ARMC2: variants seen among roughly 807,000 people sequenced by gnomAD.
ARMC2 encodes the protein armadillo repeat containing 2.
A neutral mutation model predicts 90.3 loss-of-function variants in ARMC2; 67 were observed. The observed-to-expected ratio is 0.74, with a 90% CI of 0.61 to 0.91. ARMC2 has a LOEUF of 0.91. ARMC2 is among the 40% of genes least tolerant of loss of function. The probability of loss-of-function intolerance (pLI) is 0.00; values close to 1 mark genes in which losing one functional copy is unlikely to be tolerated. For missense variants in ARMC2, 920 were observed against 1,030.9 expected (o/e 0.89, Z 1.47); for synonymous variants, 393 against 393.0 (o/e 1.00, Z 0.00).
At chr6:108,862,357 A>C (rs1462896768) in intron 3 of ARMC2, among the ~76,000 whole-genome samples, 78 of 141,640 alleles carry the variant, frequency 5.5e-4, no homozygotes, top group African/African-American at 2.0e-3. Context: ...AAAAAAAAAA[A>C]ACAAAAAAAA....
At chr6:109,041,110 G>A in the ARMC2 span, among the ~76,000 whole-genome samples, 3 of 151,100 alleles carry the variant, frequency 2.0e-5, no homozygotes, top group African/African-American at 7.3e-5. Context: ...AGATCAGCCT[G>A]GGCAACATAG....
the ARMC2 span, among the ~76,000 whole-genome samples, chr6:108,992,627 G>C: frequency 6.6e-6 from 1 of 152,128 alleles, no homozygotes; most frequent in Non-Finnish European, 1.5e-5. Flanking sequence ...ATGATTCCAT[G>C]GATGAATTAG....
chr6:109,001,498 T>A, the ARMC2 span: 29,008 of 1,610,716 alleles, frequency 0.018, 355 homozygotes, highest in Non-Finnish European at 0.02. Context: ...TCTGTATAAA[T>A]GAGAAAAACC....
chr6:108,977,598 G>T (rs745894210), downstream of ARMC2, among the ~76,000 whole-genome samples: 1 of 152,120 alleles, frequency 6.6e-6, no homozygotes, highest in Admixed American at 6.5e-5. Context: ...TGTACCTCTG[G>T]TAGAATTAGA....
chr6:108,871,307 G>C (rs929806701), intron 4 of ARMC2, among the ~76,000 whole-genome samples: 2 of 152,166 alleles, frequency 1.3e-5, no homozygotes, highest in Admixed American at 1.3e-4. Flanking sequence ...GAGACAATGT[G>C]ATGTAGGTTT....
chr6:108,912,080 G>T (rs1773494245), intron 9 of ARMC2, among the ~76,000 whole-genome samples: 1 of 152,120 alleles, frequency 6.6e-6, no homozygotes, highest in Admixed American at 6.5e-5. Context: ...GGCAAGGAAT[G>T]ACATTAATTA....
At chr6:109,049,690 G>C in the ARMC2 span, among the ~76,000 whole-genome samples, 5 of 149,404 alleles carry the variant, frequency 3.3e-5, no homozygotes, top group African/African-American at 1.2e-4. Context: ...AAAGGAGAGG[G>C]GACGTATATT....
the ARMC2 span, among the ~76,000 whole-genome samples, chr6:109,051,297 T>A: frequency 2.0e-5 from 3 of 151,826 alleles, no homozygotes; most frequent in South Asian, 2.1e-4. Flanking sequence ...TAAAGATTTT[T>A]AAAAATTATT....
At chr6:108,858,463 T>C (rs1449450648) in intron 3 of ARMC2, among the ~76,000 whole-genome samples, 192 bp downstream of exon 3, 3 of 152,076 alleles carry the variant, frequency 2.0e-5, no homozygotes, top group South Asian at 4.1e-4. Context: ...GAAATACTTC[T>C]ATAATTTACC....
intron 5 of ARMC2, among the ~76,000 whole-genome samples, chr6:108,892,329 A>G (rs1771152321): frequency 6.6e-6 from 1 of 152,142 alleles, no homozygotes; most frequent in Admixed American, 6.5e-5. Flanking sequence ...TCGATTGGCT[A>G]GTGACATTTG....
chr6:108,854,425 G>A lies in ARMC2; in HGVS notation c.158G>A (p.Arg53Lys). 6.2e-7 allele frequency: 1 copy of A among 1,613,566 alleles called. No homozygotes were observed. Among genetic ancestry groups the A allele is most frequent in the Non-Finnish European group, 8.5e-7 (1 of 1,179,804 alleles). ...QRPFTPQEAQ[R>K]KLFGPASSRT... ...CCATTTACACCACAGGAGGCTCAAA[G>A]AAAACTATTCGGACCTGCATCCTCA... Residue 53 changes from arginine to lysine, a missense_variant, in exon 2 of 18, where the codon AGA (arginine) becomes AAA (lysine). Physicochemically the swap from Arg to Lys is conservative, Grantham distance 26. Transcript: ENST00000392644.
chr6:109,052,648 T>G, the ARMC2 span, among the ~76,000 whole-genome samples: 2 of 152,252 alleles, frequency 1.3e-5, no homozygotes, highest in East Asian at 3.8e-4. Flanking sequence ...AAAACAATTT[T>G]TATTGACAAG....
chr6:108,863,629 C>A lies in ARMC2; in HGVS notation c.292-5195C>A, dbSNP rs548641885. 3.3e-5 allele frequency among the ~76,000 whole-genome samples: 5 copies of A among 152,264 alleles called. No individual in the cohort carries two copies. In the East Asian group the frequency reaches 7.7e-4, roughly 24 times the overall value. On this transcript the variant is annotated intron_variant, in intron 3 of 17. Transcript: ENST00000392644. ...GAAAAGAGGTGTGACCATGTGAATA[C>A]ACAGGAAGTGTTGTCTTTCATCATT... is the stretch of plus-strand genomic sequence containing the variant.
At chr6:108,872,175 C>A (rs955204120) in intron 4 of ARMC2, among the ~76,000 whole-genome samples, 3 of 152,220 alleles carry the variant, frequency 2.0e-5, no homozygotes, top group African/African-American at 7.2e-5. Context: ...ACCCCACAGG[C>A]AGGGCCGGGG....
chr6:109,039,641 T>C, the ARMC2 span, among the ~76,000 whole-genome samples: 1,187 of 152,264 alleles, frequency 7.8e-3, 21 homozygotes, highest in African/African-American at 0.027. Context: ...AAAACCAAAA[T>C]ATATAGATGA....
intron 5 of ARMC2, among the ~76,000 whole-genome samples, chr6:108,890,381 C>T (rs892229590): frequency 6.6e-6 from 1 of 150,694 alleles, no homozygotes; most frequent in African/African-American, 2.5e-5. Context: ...TTATTAAGTT[C>T]TTCCAGTGTC....
the ARMC2 span, chr6:109,000,820 A>T: frequency 1.7e-6 from 1 of 574,818 alleles, no homozygotes; most frequent in African/African-American, 1.9e-5. Flanking sequence ...TTTTATATAA[A>T]CATTTTAAAA....
At chr6:108,860,830 G>A (rs1262242145) in intron 3 of ARMC2, among the ~76,000 whole-genome samples, 1 of 152,082 alleles carries the variant, frequency 6.6e-6, no homozygotes, top group East Asian at 1.9e-4. Context: ...TATATTCTCT[G>A]TAAAGAAGTA....
At chr6:109,048,499 CT>C in the ARMC2 span, among the ~76,000 whole-genome samples, 1 of 152,226 alleles carries the variant, frequency 6.6e-6, no homozygotes, top group Non-Finnish European at 1.5e-5. Flanking sequence ...TCTAGCCTCT[CT>C]GTTTAACACA....
Sources: allele counts gnomAD v4.1 joint callset (sites outside exome capture counted in the v4.1 genomes callset), GRCh38; gene constraint gnomAD v4.1.1; transcripts MANE v1.5; gene names NCBI Gene and HGNC (gene_info 2026-07-23, HGNC 2026-07-21).